Variants in COL19A1 observed in about 807,000 individuals in gnomAD.
COL19A1 encodes the protein collagen type XIX alpha 1 chain.
In COL19A1, 159 loss-of-function variants were observed where a neutral mutation model predicts 190.2. The ratio of observed to expected loss-of-function variants is 0.84; its 90% confidence interval spans 0.73 to 0.95. COL19A1 has a LOEUF of 0.95. COL19A1 is among the 40% of genes least tolerant of loss of function. The pLI is 0.00. For missense variants in COL19A1, 1,418 were observed against 1,431.9 expected, an observed-to-expected ratio of 0.99 and a Z score of 0.16; for synonymous variants, 509 against 458.9, an observed-to-expected ratio of 1.11 and a Z score of -1.39.
chr6:70,053,058 G>A (rs1397005953), intron 14 of COL19A1, among the ~76,000 whole-genome samples: 1 of 152,124 alleles, frequency 6.6e-6, no homozygotes, highest in East Asian at 1.9e-4. Flanking sequence ...ATGTGTGGAG[G>A]CCATCAAAGA....
At chr6:70,034,183 T>G (rs1297105209) in intron 12 of COL19A1, 62 bp from the exon 13 acceptor site, 1 of 1,129,446 alleles carries the variant, frequency 8.9e-7, no homozygotes, top group Non-Finnish European at 1.4e-6. Context: ...ATTTTGTTAC[T>G]AATGACTTGT....
At chr6:69,943,957 CA>C (rs1739065392) in intron 9 of COL19A1, among the ~76,000 whole-genome samples, 1 of 152,114 alleles carries the variant, frequency 6.6e-6, no homozygotes, top group South Asian at 2.1e-4. Flanking sequence ...AGGTAAACCC[CA>C]AAGCTCTAAC....
At chr6:70,204,387 G>A (rs1767738073) in intron 49 of COL19A1, among the ~76,000 whole-genome samples, 1 of 152,196 alleles carries the variant, frequency 6.6e-6, no homozygotes, top group African/African-American at 2.4e-5. Context: ...TAATGAATGA[G>A]CTTGGGACCT....
At chr6:70,129,352 T>A (rs1311773824) in intron 17 of COL19A1, among the ~76,000 whole-genome samples, 1 of 152,216 alleles carries the variant, frequency 6.6e-6, no homozygotes, top group African/African-American at 2.4e-5. Context: ...CAATTTTAGC[T>A]ACATTTTACT....
At chr6:69,877,842 T>C (rs1380195869) in intron 1 of COL19A1, among the ~76,000 whole-genome samples, 1 of 151,580 alleles carries the variant, frequency 6.6e-6, no homozygotes, top group Non-Finnish European at 1.5e-5. Context: ...CCATCTCTAC[T>C]AAAAATACAA....
intron 4 of COL19A1, among the ~76,000 whole-genome samples, chr6:69,903,975 A>G (rs1264886671): frequency 6.6e-6 from 1 of 152,192 alleles, no homozygotes; most frequent in Non-Finnish European, 1.5e-5. Flanking sequence ...CCCCGCAGCA[A>G]CACTGTGAAA....
At chr6:70,066,411 G>T (rs569821513) in intron 14 of COL19A1, among the ~76,000 whole-genome samples, 2 of 151,946 alleles carry the variant, frequency 1.3e-5, no homozygotes, top group African/African-American at 2.4e-5. Flanking sequence ...AGAACACATG[G>T]ACACAGGAAG....
intron 15 of COL19A1, among the ~76,000 whole-genome samples, chr6:70,072,709 G>A (rs962859003): frequency 6.6e-6 from 1 of 152,064 alleles, no homozygotes; most frequent in African/African-American, 2.4e-5. Context: ...TCTGGAGTCA[G>A]GATTCCTTGC....
chr6:70,163,393 A>G lies in COL19A1; in HGVS notation c.2397A>G (p.Glu799=). The part of the protein sequence containing the change: ...GHPGPTGAKG[E]KGSDGPPGKP... Reference sequence around the variant, plus strand: ...CTGGTCCCACAGGAGCAAAAGGTGAAAAGGTACAAAGGAAAAGCCTCACTT... The same window carrying G: ...CTGGTCCCACAGGAGCAAAAGGTGAGAAGGTACAAAGGAAAAGCCTCACTT... Residue 799 remains glutamate (E), a synonymous_variant, in exon 36 of 51, where the codon GAA becomes GAG. Transcript: ENST00000620364. 1 of 1,611,172 alleles carries G rather than the reference A, an allele frequency of 6.2e-7. No individual in the cohort carries two copies. The highest frequency in any genetic ancestry group is 2.2e-5 in the East Asian group (1 of 44,468).
At chr6:70,128,226 C>T (rs192058302) in intron 17 of COL19A1, among the ~76,000 whole-genome samples, 5 of 152,084 alleles carry the variant, frequency 3.3e-5, no homozygotes, top group East Asian at 1.9e-4. Context: ...GAAGTATATG[C>T]GGGGAATATA....
intron 11 of COL19A1, 95 bp downstream of exon 11, chr6:69,962,965 T>C (rs866455755): frequency 2.3e-6 from 2 of 864,732 alleles, no homozygotes; most frequent in South Asian, 2.0e-5. Context: ...GCATTCCCTA[T>C]AAGCAATTCA....
At chr6:70,017,914 T>A (rs1778208143) in intron 11 of COL19A1, among the ~76,000 whole-genome samples, 1 of 151,756 alleles carries the variant, frequency 6.6e-6, no homozygotes, top group South Asian at 2.1e-4. Context: ...AACTGCAGAG[T>A]GAGTGGGAGT....
At chr6:70,047,394 C>T (rs1037896755) in intron 14 of COL19A1, among the ~76,000 whole-genome samples, 2 of 151,848 alleles carry the variant, frequency 1.3e-5, no homozygotes, top group African/African-American at 2.4e-5. Flanking sequence ...TTTATTTGAT[C>T]AAATATAATG....
chr6:70,059,833 A>G (rs755398628), intron 14 of COL19A1: 1 of 509,946 alleles, frequency 2.0e-6, no homozygotes, highest in East Asian at 5.5e-5. Flanking sequence ...TTTTAGAAAT[A>G]ACTCAATTTA....
At chr6:70,040,647 G>A (rs753892677) in intron 14 of COL19A1, among the ~76,000 whole-genome samples, 5 of 151,982 alleles carry the variant, frequency 3.3e-5, no homozygotes, top group South Asian at 4.2e-4. Context: ...TCATGTTCAC[G>A]GGTCATATGG....
chr6:69,921,502 A>ATATATTCATG (rs1771910671), intron 4 of COL19A1, among the ~76,000 whole-genome samples: 1 of 11,660 alleles, frequency 8.6e-5, no homozygotes, highest in African/African-American at 2.3e-4. Flanking sequence ...ATATATTCAT[A>ATATATTCATG]TATATTCATA....
At chr6:69,912,309 G>A (rs955297877) in intron 4 of COL19A1, among the ~76,000 whole-genome samples, 50 of 152,082 alleles carry the variant, frequency 3.3e-4, no homozygotes, top group African/African-American at 1.0e-3. Context: ...CTCAGGCCTC[G>A]TTAATATGTG....
intron 49 of COL19A1, among the ~76,000 whole-genome samples, chr6:70,205,485 T>C (rs1042662826): frequency 1.3e-5 from 2 of 152,234 alleles, no homozygotes; most frequent in Admixed American, 1.3e-4. Context: ...CAGCCTACTG[T>C]TTCCTACTGA....
chr6:70,059,898 A>AT (rs1160385848), intron 14 of COL19A1: 1 of 348,754 alleles, frequency 2.9e-6, no homozygotes, highest in African/African-American at 2.2e-5. Context: ...ATTGATAGGC[A>AT]TTTTTCATCA....
Sources: allele counts gnomAD v4.1 joint callset (sites outside exome capture counted in the v4.1 genomes callset), GRCh38; gene constraint gnomAD v4.1.1; transcripts MANE v1.5; gene names NCBI Gene and HGNC (gene_info 2026-07-23, HGNC 2026-07-21).